Variants in MED24 observed in about 807,000 individuals in gnomAD.
MED24 encodes mediator complex subunit 24, also known as mediator of RNA polymerase II transcription subunit 24.
Under a neutral mutation model 118.8 loss-of-function variants are expected in MED24, and 74 were observed. The ratio of observed to expected loss-of-function variants is 0.62; its 90% CI spans 0.52 to 0.76. The LOEUF (loss-of-function observed/expected upper bound fraction) is 0.76, where lower values mean the gene tolerates loss of function less well. MED24 is among the 30% of genes least tolerant of loss of function. The pLI, the probability that MED24 is intolerant of heterozygous loss-of-function variation, is 0.00. For missense variants in MED24, 1,041 were observed against 1,278.9 expected (o/e 0.81, Z 2.84); for synonymous variants, 521 against 523.9 (o/e 0.99, Z 0.08).
intron 14 of MED24, 108 bp downstream of exon 14, chr17:40,028,718 G>A (rs1901072779): frequency 6.8e-7 from 1 of 1,469,816 alleles, no homozygotes; most frequent in South Asian, 1.3e-5. Flanking sequence ...TAGGCCCGTG[G>A]GTCTCTGGAT....
intron 3 of MED24, among the ~76,000 whole-genome samples, chr17:40,040,157 C>A (rs1212849535): frequency 6.6e-6 from 1 of 151,452 alleles, no homozygotes; most frequent in Admixed American, 6.6e-5. Context: ...CGGCTCACTG[C>A]AACCTCTGCC....
chr17:40,023,014 TC>T (rs1263120149), intron 20 of MED24, 116 bp downstream of exon 20: 2 of 1,431,430 alleles, frequency 1.4e-6, no homozygotes, highest in Non-Finnish European at 1.9e-6. Flanking sequence ...GGCGAGGCAT[TC>T]CGGGGAGGCC....
rs59767650 is a variant in MED24, at chr17:40,019,175, AACAC to A, written c.*350_*353del. 0.023 allele frequency: 3,472 copies of A among 148,436 alleles called. 136 individuals are homozygous for A. The highest frequency in any genetic ancestry group is 0.096 in the African/African-American group (3,154 of 32,924). The allele number at this position is 148,436 out of a possible 1,614,324, so 9.2% of individuals were successfully genotyped here. On this transcript the variant is annotated 3_prime_UTR_variant, in exon 26 of 26. Coordinates refer to ENST00000394128, the MANE Select transcript of MED24 (RefSeq NM_014815.4). ...CCTCACATATTACAAAATACACACA[AACAC>A]ACACACACACACACACACACACACA... is the stretch of plus-strand genomic sequence containing the variant.
chr17:40,030,061 C>T (rs763391997), intron 12 of MED24, among the ~76,000 whole-genome samples: 1 of 152,162 alleles, frequency 6.6e-6, no homozygotes, highest in Non-Finnish European at 1.5e-5. Flanking sequence ...TGAGACAGGT[C>T]TCACTCTGTT....
In MED24 at chr17:40,033,100, T is replaced by G. The variant is rs141135892; in HGVS notation, c.778A>C (p.Thr260Pro). The change falls in exon 8 of 26, where the codon ACG becomes CCG. Residue 260 changes from threonine to proline, a missense_variant. Thr to Pro is a conservative substitution (Grantham distance 38). This residue lies in a region of MED24 where 434 missense variants were observed against 514.9 expected (regional missense o/e 0.84). Transcript: ENST00000394128. The surrounding 1 kb of genome is among the most constrained non-coding windows in gnomAD (Gnocchi z 5.2). Reference sequence around the variant, plus strand: ...GTCAGCTGCTCCACCAGGGACTGCGTCTCGCCTGTCAGGTTCATGGTGCCC... The same window carrying G: ...GTCAGCTGCTCCACCAGGGACTGCGGCTCGCCTGTCAGGTTCATGGTGCCC... Reference protein sequence around the residue: ...LEGTMNLTGETQSLVEQLTMV... With the variant: ...LEGTMNLTGEPQSLVEQLTMV... 223 of 1,614,062 alleles carry G rather than the reference T, an allele frequency of 1.4e-4. 2 individuals carry two copies. The highest frequency in any genetic ancestry group is 1.4e-3 in the South Asian group (125 of 91,072).
At chr17:40,032,464 G>A (rs929513175) in intron 9 of MED24, 185 bp downstream of exon 9, 21 of 590,794 alleles carry the variant, frequency 3.6e-5, no homozygotes, top group Admixed American at 1.5e-4. Context: ...AACGGAGTCT[G>A]CCAAATGGGC....
In MED24 at chr17:40,033,006, CA is replaced by C; in HGVS notation, c.822+49del. ...CCAGAAGAATCCTCCCTCCTGCCCC[CA>C]ACAGGCTGGCCTGCCTTGGAGAAGG... On this transcript the variant is annotated intron_variant, in intron 8 of 25. Transcript: ENST00000394128. This position sits in a 1 kb window ranked among gnomAD's most constrained non-coding sequence, Gnocchi z 5.2. 6.2e-7 allele frequency: 1 copy of C among 1,607,660 alleles called. No homozygotes were observed. Among genetic ancestry groups the C allele is most frequent in the Non-Finnish European group, 8.5e-7 (1 of 1,177,338 alleles).
intron 5 of MED24, 67 bp from the exon 6 acceptor site, chr17:40,035,416 T>C: frequency 6.9e-7 from 1 of 1,450,680 alleles, no homozygotes; most frequent in South Asian, 1.4e-5. Context: ...ACATCAATGT[T>C]CCCCAGAGTC....
chr17:40,026,985 G>T lies in MED24; in HGVS notation c.1580C>A (p.Thr527Asn). The stretch of plus-strand genomic sequence containing the variant: ...CTCAGGCATGCAGGTCTGCATCCAG[G>T]TCTCGAAGAAGGGCACCTCAGCTCC... ...RTGAEVPFFE[T>N]WMQTCMPEEG... is the part of the protein sequence containing the mutation. Residue 527 changes from threonine to asparagine, a missense_variant, in exon 17 of 26, where the codon ACC (threonine) becomes AAC (asparagine). By Grantham distance (65) the Thr-to-Asn change is moderately conservative. This residue lies in a region of MED24 where 587 missense variants were observed against 694.4 expected (regional missense o/e 0.85). Transcript: ENST00000394128. The T allele has an allele frequency of 1.9e-6, 3 of 1,614,180 alleles. No individual in the cohort carries two copies. Among genetic ancestry groups the T allele is most frequent in the Non-Finnish European group, 2.5e-6 (3 of 1,180,040 alleles).
chr17:40,032,777 A>G lies in MED24; in HGVS notation c.823-15T>C, dbSNP rs769925831. On this transcript the variant is annotated splice_polypyrimidine_tract_variant and intron_variant, in intron 8 of 25. Transcript: ENST00000394128. ...GTGGGGATATGCTGTGGGAAGAGCC[A>G]AGGATGAGGCCTAAGAGGGTGCCCA... 1 of 1,606,030 alleles carries G rather than the reference A, an allele frequency of 6.2e-7. No homozygotes were observed. Among genetic ancestry groups the G allele is most frequent in the African/African-American group, 1.3e-5 (1 of 74,750 alleles).
intron 16 of MED24, 32 bp from the exon 17 acceptor site, chr17:40,027,066 T>C: frequency 6.2e-7 from 1 of 1,610,164 alleles, no homozygotes; most frequent in Middle Eastern, 1.7e-4. Context: ...ACCAGCCGAG[T>C]GGGGAGGGCG....
At chr17:40,036,303 A>C in intron 3 of MED24, 149 bp from the exon 4 acceptor site, 1 of 712,900 alleles carries the variant, frequency 1.4e-6, no homozygotes, top group Non-Finnish European at 2.5e-6. Flanking sequence ...AGGCAGTGTC[A>C]CTGTGCACTG....
At chr17:40,028,717 G>C in intron 14 of MED24, 109 bp downstream of exon 14, 8 of 1,465,142 alleles carry the variant, frequency 5.5e-6, no homozygotes, top group Non-Finnish European at 5.5e-6. Flanking sequence ...CTAGGCCCGT[G>C]GGTCTCTGGA....
At chr17:40,027,886 G>C (rs911364932) in intron 15 of MED24, 23 bp downstream of exon 15, 47 of 1,611,698 alleles carry the variant, frequency 2.9e-5, no homozygotes, top group African/African-American at 5.3e-5. Context: ...CACTGGGCCT[G>C]CGGATGCACA....
At chr17:40,027,736 CT>C in intron 15 of MED24, 172 bp downstream of exon 15, 2 of 762,598 alleles carry the variant, frequency 2.6e-6, no homozygotes, top group Non-Finnish European at 4.3e-6. Flanking sequence ...GGGAAGAATC[CT>C]TTTCCAGCAT....
chr17:40,019,664 T>C lies in MED24; in HGVS notation c.2854-19A>G, dbSNP rs765850010. 3 of 1,585,014 alleles carry C rather than the reference T, an allele frequency of 1.9e-6. No homozygotes were observed. Among genetic ancestry groups the C allele is most frequent in the Admixed American group, 3.4e-5 (2 of 58,198 alleles). On this transcript the variant is annotated intron_variant, in intron 25 of 25. Coordinates refer to ENST00000394128, the MANE Select transcript of MED24 (RefSeq NM_014815.4). Reference sequence around the variant, plus strand: ...CCGACACCTGCCACGGACAGACAGATGCTGCTTGCGGGACGGCTGGTGGTG... The same window carrying C: ...CCGACACCTGCCACGGACAGACAGACGCTGCTTGCGGGACGGCTGGTGGTG...
At chr17:40,046,728 A>G (rs1985263956) in intron 3 of MED24, among the ~76,000 whole-genome samples, 1 of 150,608 alleles carries the variant, frequency 6.6e-6, no homozygotes, top group Non-Finnish European at 1.5e-5. Flanking sequence ...CCTGGGCGAC[A>G]GAGCGAGACT....
At chr17:40,044,985 T>C (rs1421592143) in intron 3 of MED24, among the ~76,000 whole-genome samples, 1 of 152,148 alleles carries the variant, frequency 6.6e-6, no homozygotes, top group Non-Finnish European at 1.5e-5. Context: ...AGGGGGAAAT[T>C]TGCAGGATCT....
chr17:40,031,384 C>A (rs998132918), intron 11 of MED24, 139 bp from the exon 12 acceptor site: 33 of 1,209,754 alleles, frequency 2.7e-5, no homozygotes, highest in Middle Eastern at 5.5e-4. Flanking sequence ...TAGAGGGGCT[C>A]TGGGGACTTG....
Sources: allele counts gnomAD v4.1 joint callset (sites outside exome capture counted in the v4.1 genomes callset), GRCh38; gene constraint gnomAD v4.1.1; regional missense constraint gnomAD v4.1.1; non-coding constraint Gnocchi (gnomAD v3.1); transcripts MANE v1.5; gene names NCBI Gene and HGNC (gene_info 2026-07-23, HGNC 2026-07-21).